AANAT: variants seen among roughly 807,000 people sequenced by gnomAD.
AANAT encodes serotonin N-acetyltransferase.
Under a neutral mutation model 15.6 loss-of-function variants are expected in AANAT, and 11 were observed. The ratio of observed to expected loss-of-function variants is 0.71; its 90% CI spans 0.44 to 1.17. The LOEUF is 1.17. AANAT is among the 50% of genes most tolerant of loss of function. The probability of loss-of-function intolerance (pLI) is 0.00; values close to 1 mark genes in which losing one functional copy is unlikely to be tolerated. For synonymous variants in AANAT, 139 were observed against 131.5 expected (o/e 1.06, Z -0.39); for missense variants, 286 against 296.3 (o/e 0.97, Z 0.26).
intron 1 of AANAT, among the ~76,000 whole-genome samples, chr17:76,456,914 C>A (rs1281039585): frequency 6.6e-6 from 1 of 152,146 alleles, no homozygotes; most frequent in Non-Finnish European, 1.5e-5. Flanking sequence ...TGAGGAGTTT[C>A]CCCACTCTAA....
At chr17:76,468,507 A>G (rs1462928840) in intron 1 of AANAT, 165 bp from the exon 2 acceptor site, 3 of 632,066 alleles carry the variant, frequency 4.7e-6, no homozygotes, top group Non-Finnish European at 8.1e-6. Flanking sequence ...AATGTTTGCA[A>G]TGCCTGGTAA....
At chr17:76,463,412 A>G (rs909309112), upstream of AANAT, among the ~76,000 whole-genome samples, 4 of 146,800 alleles carry the variant, frequency 2.7e-5, no homozygotes, top group African/African-American at 1.0e-4. Context: ...GGTTCCAGCA[A>G]TTCTCCTGCC....
Position 76,469,158 on chromosome 17 carries a change from A to G in AANAT, c.164-15A>G. 1 of 1,613,762 alleles carries G rather than the reference A, an allele frequency of 6.2e-7. No homozygotes were observed. Among genetic ancestry groups the G allele is most frequent in the Non-Finnish European group, 8.5e-7 (1 of 1,179,894 alleles). Reference sequence around the variant, plus strand: ...ACAGCGACTACCAGTCACCCACCTGAGCCTCCTGCCACAGCCTTCATCTCC... The same window carrying G: ...ACAGCGACTACCAGTCACCCACCTGGGCCTCCTGCCACAGCCTTCATCTCC... On this transcript the variant is annotated splice_polypyrimidine_tract_variant and intron_variant, in intron 2 of 3. Coordinates refer to ENST00000392492, the MANE Select transcript of AANAT (RefSeq NM_001088.3). This position sits in a 1 kb window ranked among gnomAD's most constrained non-coding sequence, Gnocchi z 5.2.
At chr17:76,466,864 T>C (rs2073443659), upstream of AANAT, among the ~76,000 whole-genome samples, 1 of 151,936 alleles carries the variant, frequency 6.6e-6, no homozygotes. Context: ...GCTGTGTGGG[T>C]AGGAGCAGAA....
rs1397278399 is a variant in AANAT, at chr17:76,470,074, C to G, written c.*104C>G. The G allele has an allele frequency of 8.0e-7, 1 of 1,250,800 alleles. No homozygotes were observed. Among genetic ancestry groups the G allele is most frequent in the Admixed American group, 3.2e-5 (1 of 31,336 alleles). 77.5% of individuals were successfully genotyped at this position (1,250,800 alleles called of 1,614,324 possible). ...AGCAGTTTCCAGAGAGTGGAGAGAG[C>G]AGGGCTAAATAAAGAGGAGATAAGG... is the stretch of plus-strand genomic sequence containing the variant. On this transcript the variant is annotated 3_prime_UTR_variant, in exon 4 of 4. Coordinates refer to ENST00000392492, the MANE Select transcript of AANAT (RefSeq NM_001088.3).
rs1444368304 is a variant in AANAT, at chr17:76,460,325, T to A, written c.-456+959T>A. On this transcript the variant is annotated intron_variant, in intron 2 of 6. Transcript: ENST00000250615. ...CCACCACACCTGGGTAATTTTTTTG[T>A]ATTTTTAGTAGAGATGGGGTTTTGC... 3.9e-5 allele frequency among the ~76,000 whole-genome samples: 6 copies of A among 151,918 alleles called. 1 individual carries two copies. Among genetic ancestry groups the A allele is most frequent in the Non-Finnish European group, 8.8e-5 (6 of 67,988 alleles).
chr17:76,460,808 C>T (rs919779474), intron 2 of AANAT, among the ~76,000 whole-genome samples: 9 of 152,022 alleles, frequency 5.9e-5, no homozygotes, highest in African/African-American at 1.9e-4. Context: ...TCTAATACGG[C>T]GATATTGAGC....
rs1260721406 is a variant in AANAT, at chr17:76,468,866, C to T, written c.120C>T (p.Leu40=). The T allele has an allele frequency of 6.2e-7, 1 of 1,613,674 alleles. No homozygotes were observed. The highest frequency in any genetic ancestry group is 1.7e-5 in the Admixed American group (1 of 60,020). ...HTLPASEFRC[L]TPEDAVSAFE... is the part of the protein sequence containing the mutation. ...TCCCTGCCAGTGAGTTTCGCTGCCT[C>T]ACCCCGGAGGACGCTGTCAGCGCCT... Residue 40 remains leucine (L), a synonymous_variant, in exon 2 of 4, where the codon CTC becomes CTT. Transcript: ENST00000392492.
intron 1 of AANAT, among the ~76,000 whole-genome samples, chr17:76,467,958 C>G (rs972196222): frequency 2.0e-5 from 3 of 152,092 alleles, no homozygotes; most frequent in Non-Finnish European, 4.4e-5. Flanking sequence ...AGGGGGTGTC[C>G]TATGCACTCT....
At chr17:76,468,983 T>G in intron 2 of AANAT, 74 bp downstream of exon 2, 1 of 1,528,996 alleles carries the variant, frequency 6.5e-7, no homozygotes. Context: ...AGACCCTTAG[T>G]CTCCTGTCCT....
chr17:76,466,170 G>GC (rs774286433), upstream of AANAT: 10 of 1,536,956 alleles, frequency 6.5e-6, no homozygotes, highest in Non-Finnish European at 7.8e-6. Flanking sequence ...ACCAGGGGGT[G>GC]CCATGGAGCC....
At chr17:76,465,611 AC>A, upstream of AANAT, among the ~76,000 whole-genome samples, 1 of 152,024 alleles carries the variant, frequency 6.6e-6, no homozygotes, top group African/African-American at 2.4e-5. Context: ...TGCTGGGATT[AC>A]AGGTGTGAGC....
intron 1 of AANAT, among the ~76,000 whole-genome samples, chr17:76,455,186 C>G (rs2073332120): frequency 6.6e-6 from 1 of 151,976 alleles, no homozygotes; most frequent in Admixed American, 6.6e-5. Context: ...AACACTTTGA[C>G]TGCGCCTGAA....
chr17:76,459,199 T>A (rs1333071439), intron 1 of AANAT: 1 of 152,222 alleles, frequency 6.6e-6, no homozygotes, highest in African/African-American at 2.4e-5. Context: ...TGAGCAATAG[T>A]GACAGCATAG....
At chr17:76,454,442 G>A (rs1480038090) in intron 1 of AANAT, among the ~76,000 whole-genome samples, 4 of 151,618 alleles carry the variant, frequency 2.6e-5, no homozygotes, top group Non-Finnish European at 4.4e-5. Context: ...CCCAGATCGC[G>A]CCACTGCACT....
At chr17:76,467,549 G>A (rs575880501), upstream of AANAT, 5 of 985,526 alleles carry the variant, frequency 5.1e-6, no homozygotes, top group South Asian at 4.7e-5. Flanking sequence ...GGGATAGCTC[G>A]AGAGGTGGGG....
chr17:76,460,753 C>A (rs1200606830), intron 2 of AANAT, among the ~76,000 whole-genome samples: 1 of 152,192 alleles, frequency 6.6e-6, no homozygotes, highest in Admixed American at 6.5e-5. Flanking sequence ...GCCTTGGATG[C>A]TTCCATTCCA....
intron 1 of AANAT, among the ~76,000 whole-genome samples, chr17:76,458,458 C>A (rs1171636415): frequency 2.0e-5 from 3 of 152,142 alleles, no homozygotes; most frequent in African/African-American, 4.8e-5. Context: ...AAACTTGATT[C>A]CCTAATGAAG....
At chr17:76,454,595 AC>A (rs1412355554) in intron 1 of AANAT, among the ~76,000 whole-genome samples, 10 of 151,648 alleles carry the variant, frequency 6.6e-5, no homozygotes, top group Non-Finnish European at 1.2e-4. Flanking sequence ...CAGATGGATC[AC>A]CTGATCACCT....
Sources: gnomAD v4.1 joint callset for allele counts (sites outside exome capture counted in the v4.1 genomes callset) on GRCh38, gnomAD v4.1.1 for gene constraint, Gnocchi (gnomAD v3.1) non-coding constraint, MANE v1.5 for transcripts, NCBI Gene and HGNC (gene_info 2026-07-23, HGNC 2026-07-21) for gene names.